Variants in ARHGAP10 observed in about 807,000 individuals in gnomAD.
ARHGAP10 encodes rho GTPase-activating protein 10.
A neutral mutation model predicts 108.6 loss-of-function variants in ARHGAP10; 87 were observed. The observed-to-expected ratio is 0.80, with a 90% CI of 0.67 to 0.96. ARHGAP10 has a LOEUF of 0.96. Among genes scored for constraint, ARHGAP10 ranks in the 40% least tolerant of loss-of-function variants. The pLI is 0.00. For missense variants in ARHGAP10, 939 were observed against 954.5 expected, an observed-to-expected ratio of 0.98 and a Z score of 0.21; for synonymous variants, 347 against 341.1, an observed-to-expected ratio of 1.02 and a Z score of -0.19.
chr4:148,063,225 T>C lies in ARHGAP10; in HGVS notation c.2105T>C (p.Val702Ala), dbSNP rs769727173. Residue 702 changes from valine (V) to alanine (A), a missense_variant, in exon 21 of 23, where the codon GTG (valine) becomes GCG (alanine). By Grantham distance (64) the Val-to-Ala change is moderately conservative. Transcript: ENST00000336498. ...SPTTTSSNSA[V>A]TPLSPGSSPF... is the part of the protein sequence containing the mutation. The stretch of plus-strand genomic sequence containing the variant: ...ACCACAACAAGCTCCAACTCAGCTG[T>C]GACACCTCTTTCACCCGGGTCGTCC... 9 of 1,614,104 alleles carry C rather than the reference T, an allele frequency of 5.6e-6. No individual in the cohort carries two copies. The highest frequency in any genetic ancestry group is 7.6e-6 in the Non-Finnish European group (9 of 1,180,044).
At chr4:148,040,746 T>C (rs992628316) in intron 19 of ARHGAP10, among the ~76,000 whole-genome samples, 2 of 152,168 alleles carry the variant, frequency 1.3e-5, no homozygotes, top group Non-Finnish European at 2.9e-5. Context: ...CTTTTTTGTT[T>C]CTGTTCGACA....
intron 1 of ARHGAP10, among the ~76,000 whole-genome samples, chr4:147,818,595 T>G (rs1368710456): frequency 6.6e-6 from 1 of 151,854 alleles, no homozygotes; most frequent in African/African-American, 2.4e-5. Context: ...AGTTAGTTTG[T>G]TAGTTTCCTC....
rs1579077649 is a variant in ARHGAP10, at chr4:147,816,407, T to C, written c.155-6320T>C. Among the ~76,000 whole-genome samples, 4 of 152,364 alleles carry C rather than the reference T, an allele frequency of 2.6e-5. No individual in the cohort carries two copies. In the East Asian group the frequency reaches 7.7e-4, roughly 29 times the overall value. The stretch of plus-strand genomic sequence containing the variant: ...TTGGGGCCTATGCACCTTTGTGGGC[T>C]CTCCTTGTTTTCCTTTTACTCCATA... On this transcript the variant is annotated intron_variant, in intron 1 of 22. Coordinates refer to ENST00000336498, the MANE Select transcript of ARHGAP10 (RefSeq NM_024605.4).
Position 147,952,366 on chromosome 4 carries a change from T to C in ARHGAP10, c.1392-2950T>C, listed in dbSNP as rs80201109. 3.0e-3 allele frequency among the ~76,000 whole-genome samples: 458 copies of C among 152,312 alleles called. 1 individual carries two copies. The highest frequency in any genetic ancestry group is 9.8e-3 in the African/African-American group (406 of 41,572). ...TCCCAAGTTGATGTATTTCTTTACA[T>C]CCTCACCAACAATATACAAAGGTTC... On this transcript the variant is annotated intron_variant, in intron 15 of 22. Transcript: ENST00000336498.
At chr4:148,031,205 C>T (rs540423480) in intron 19 of ARHGAP10, among the ~76,000 whole-genome samples, 27 of 152,136 alleles carry the variant, frequency 1.8e-4, no homozygotes, top group Non-Finnish European at 3.8e-4. Context: ...TTATTTAAGT[C>T]TGTTTATTAT....
intron 19 of ARHGAP10, among the ~76,000 whole-genome samples, chr4:148,044,363 C>T (rs914523962): frequency 7.2e-5 from 11 of 152,224 alleles, no homozygotes; most frequent in Middle Eastern, 3.4e-3. Context: ...GGGAATAAAC[C>T]GGTCCCAGAC....
intron 1 of ARHGAP10, among the ~76,000 whole-genome samples, chr4:147,754,169 G>T (rs1007275643): frequency 6.6e-6 from 1 of 152,182 alleles, no homozygotes; most frequent in African/African-American, 2.4e-5. Context: ...GGAAGTCCCA[G>T]AAGTCTAGAA....
At chr4:147,986,659 C>T (rs1284769702) in intron 18 of ARHGAP10, among the ~76,000 whole-genome samples, 1 of 152,186 alleles carries the variant, frequency 6.6e-6, no homozygotes, top group Non-Finnish European at 1.5e-5. Flanking sequence ...CATCTTCCTC[C>T]TCATCTTCAT....
intron 1 of ARHGAP10, among the ~76,000 whole-genome samples, chr4:147,821,239 C>T (rs1199580586): frequency 1.3e-5 from 2 of 152,164 alleles, no homozygotes; most frequent in Non-Finnish European, 1.5e-5. Context: ...GGCACAGTGT[C>T]ACTTTCTCTG....
chr4:147,919,767 G>A (rs1190026269), intron 13 of ARHGAP10, among the ~76,000 whole-genome samples: 1 of 152,018 alleles, frequency 6.6e-6, no homozygotes, highest in African/African-American at 2.4e-5. Flanking sequence ...TTTTAGTAGA[G>A]GTGGTGTTTC....
At chr4:148,014,154 A>G (rs920394610) in intron 18 of ARHGAP10, among the ~76,000 whole-genome samples, 1 of 152,202 alleles carries the variant, frequency 6.6e-6, no homozygotes, top group Non-Finnish European at 1.5e-5. Context: ...TATTTTATTA[A>G]TGTTAGTCTA....
chr4:147,958,985 T>C (rs918240020), intron 16 of ARHGAP10, among the ~76,000 whole-genome samples: 2 of 152,170 alleles, frequency 1.3e-5, no homozygotes, highest in Admixed American at 1.3e-4. Context: ...AATTTGGTAT[T>C]ATGATTAATT....
chr4:147,814,891 T>G (rs186648243), intron 1 of ARHGAP10, among the ~76,000 whole-genome samples: 1 of 152,266 alleles, frequency 6.6e-6, no homozygotes, highest in Non-Finnish European at 1.5e-5. Context: ...TCTGGGGGTT[T>G]GGATTTCAGT....
chr4:147,733,327 A>C (rs141861210), intron 1 of ARHGAP10, among the ~76,000 whole-genome samples: 113 of 150,460 alleles, frequency 7.5e-4, no homozygotes, highest in Admixed American at 2.0e-3. Context: ...GCTACTGGAA[A>C]ATGGGGCGGA....
intron 3 of ARHGAP10, among the ~76,000 whole-genome samples, chr4:147,846,640 C>T (rs1192792820): frequency 6.6e-6 from 1 of 152,164 alleles, no homozygotes; most frequent in East Asian, 1.9e-4. Context: ...TTTCGTGAGC[C>T]TCCAGTGACT....
At chr4:147,837,514 C>T (rs1733216436) in intron 3 of ARHGAP10, among the ~76,000 whole-genome samples, 1 of 152,124 alleles carries the variant, frequency 6.6e-6, no homozygotes, top group African/African-American at 2.4e-5. Context: ...AGAGCAGATG[C>T]CACTATTGCT....
chr4:148,055,454 T>G (rs994539500), intron 20 of ARHGAP10, among the ~76,000 whole-genome samples: 2 of 152,174 alleles, frequency 1.3e-5, no homozygotes, highest in Non-Finnish European at 2.9e-5. Flanking sequence ...TTTGGGAGAC[T>G]GAGGCAGGCA....
intron 3 of ARHGAP10, among the ~76,000 whole-genome samples, chr4:147,832,420 G>A (rs1233770925): frequency 2.6e-5 from 4 of 151,424 alleles, no homozygotes; most frequent in South Asian, 2.1e-4. Context: ...AGGCCGAGGT[G>A]GGTGGATCTT....
At chr4:148,019,752 G>A (rs1176896859) in intron 18 of ARHGAP10, among the ~76,000 whole-genome samples, 2 of 150,758 alleles carry the variant, frequency 1.3e-5, no homozygotes, top group African/African-American at 4.9e-5. Flanking sequence ...GTGACAGAGT[G>A]AGACTCCACC....
Sources: gnomAD v4.1 joint callset for allele counts (sites outside exome capture counted in the v4.1 genomes callset) on GRCh38, gnomAD v4.1.1 for gene constraint, MANE v1.5 for transcripts, NCBI Gene and HGNC (gene_info 2026-07-23, HGNC 2026-07-21) for gene names.